The following RCAN2 variants were observed in gnomAD, a reference collection of about 807,000 sequenced individuals.
The protein encoded by RCAN2 is regulator of calcineurin 2, also known as calcipressin-2.
In RCAN2, 9 loss-of-function variants were observed where a neutral mutation model predicts 23.6. The ratio of observed to expected loss-of-function variants is 0.38; its 90% CI spans 0.23 to 0.67. The LOEUF is 0.67. Ranked by LOEUF, RCAN2 falls within the 30% of genes least tolerant of loss-of-function variation. RCAN2 has a pLI of 0.51. For synonymous variants in RCAN2, 109 were observed against 115.7 expected (o/e 0.94, Z 0.37); for missense variants, 273 against 302.3 (o/e 0.90, Z 0.72).
intron 2 of RCAN2, among the ~76,000 whole-genome samples, chr6:46,252,023 C>A (rs374947775): frequency 1.7e-5 from 1 of 59,002 alleles, no homozygotes; most frequent in African/African-American, 5.5e-5. Flanking sequence ...CTCAGCATGT[C>A]CTCTCTTTTC....
intron 2 of RCAN2, among the ~76,000 whole-genome samples, chr6:46,354,008 C>A (rs1764746432): frequency 6.6e-6 from 1 of 152,078 alleles, no homozygotes; most frequent in South Asian, 2.1e-4. Context: ...TGGCAGACAT[C>A]TTTTGTTTGA....
chr6:46,292,436 TTG>T lies in RCAN2; in HGVS notation c.226-43542_226-43541del, dbSNP rs1326397151. On this transcript the variant is annotated intron_variant, in intron 2 of 4. Transcript: ENST00000371374. Reference sequence around the variant, plus strand: ...GGGAGTTGATTTGTTGTTTTTTTTTTTGTTTTTTTTTTTGGTGGGGGGGTTGC... The same window carrying T: ...GGGAGTTGATTTGTTGTTTTTTTTTTTTTTTTTTTTTGGTGGGGGGGTTGC... 6.0e-3 allele frequency among the ~76,000 whole-genome samples: 855 copies of T among 141,416 alleles called. 11 individuals are homozygous for T. The highest frequency in any genetic ancestry group is 0.023 in the African/African-American group (795 of 35,108). 92.8% of individuals were successfully genotyped at this position (141,416 alleles called of 152,430 possible).
chr6:46,338,123 C>T (rs1582119254), intron 2 of RCAN2, among the ~76,000 whole-genome samples: 1 of 152,296 alleles, frequency 6.6e-6, no homozygotes, highest in Admixed American at 6.5e-5. Flanking sequence ...ATATCTTTGG[C>T]TAAGTAGCAA....
intron 4 of RCAN2, among the ~76,000 whole-genome samples, chr6:46,242,359 AG>A (rs1174500211): frequency 4.5e-4 from 69 of 152,172 alleles, no homozygotes; most frequent in African/African-American, 1.7e-3. Flanking sequence ...TCTCCATGAA[AG>A]GGTCCTAATA....
intron 4 of RCAN2, among the ~76,000 whole-genome samples, chr6:46,232,790 CA>C (rs35457944): frequency 1.6e-3 from 146 of 89,186 alleles, no homozygotes; most frequent in African/African-American, 5.0e-3. Context: ...AAGACTGTCT[CA>C]AAAAAAAAAA....
chr6:46,317,559 T>TA (rs1453446129), intron 2 of RCAN2, among the ~76,000 whole-genome samples: 1 of 152,182 alleles, frequency 6.6e-6, no homozygotes, highest in African/African-American at 2.4e-5. Context: ...CCTCCCCGGT[T>TA]AAGGCCATTC....
At chr6:46,339,982 A>G (rs544181497) in intron 2 of RCAN2, among the ~76,000 whole-genome samples, 8 of 152,112 alleles carry the variant, frequency 5.3e-5, no homozygotes, top group Non-Finnish European at 8.8e-5. Context: ...GCCCCACTAG[A>G]TGGTATAAAT....
Position 46,458,310 on chromosome 6 carries a change from T to C in RCAN2, c.-2-1332A>G, listed in dbSNP as rs148095499. ...TGAAATAAACCCTTGAACCTCATAG[T>C]GATGAGGTTATGTTTTTTATTTTCA... On this transcript the variant is annotated intron_variant, in intron 1 of 4. Transcript: ENST00000371374. Among the ~76,000 whole-genome samples the C allele has an allele frequency of 7.1e-3, 1,087 of 152,332 alleles. 11 individuals are homozygous for C. Among genetic ancestry groups the C allele is most frequent in the African/African-American group, 0.025 (1,038 of 41,554 alleles).
chr6:46,233,746 A>G (rs1358537523), intron 4 of RCAN2, among the ~76,000 whole-genome samples: 38 of 120,716 alleles, frequency 3.1e-4, no homozygotes, highest in Non-Finnish European at 5.3e-4. Flanking sequence ...TTTTCTTGAG[A>G]TGGTGTTTTG....
At chr6:46,227,971 T>G (rs1765734946) in intron 4 of RCAN2, among the ~76,000 whole-genome samples, 1 of 152,252 alleles carries the variant, frequency 6.6e-6, no homozygotes, top group Non-Finnish European at 1.5e-5. Flanking sequence ...TCTGGTATGT[T>G]GTGTCTTTGT....
chr6:46,427,751 C>A (rs181640332), intron 2 of RCAN2, among the ~76,000 whole-genome samples: 14 of 152,164 alleles, frequency 9.2e-5, no homozygotes, highest in Admixed American at 6.5e-5. Flanking sequence ...TCAAAAGAAA[C>A]GAGAGAAACC....
At chr6:46,386,368 G>A (rs1435011053) in intron 2 of RCAN2, among the ~76,000 whole-genome samples, 1 of 151,940 alleles carries the variant, frequency 6.6e-6, no homozygotes. Context: ...AGAGGCCAAG[G>A]CGAGTGAATC....
At chr6:46,463,208 C>T (rs1222260146) in intron 1 of RCAN2, among the ~76,000 whole-genome samples, 4 of 152,084 alleles carry the variant, frequency 2.6e-5, no homozygotes, top group African/African-American at 7.2e-5. Context: ...AGTCAAGTTA[C>T]GTTATCTAAG....
At chr6:46,398,228 G>T (rs1484768336) in intron 2 of RCAN2, among the ~76,000 whole-genome samples, 1 of 151,994 alleles carries the variant, frequency 6.6e-6, no homozygotes, top group Non-Finnish European at 1.5e-5. Flanking sequence ...CTGTGTTATG[G>T]CAAATAACAT....
At chr6:46,352,618 A>T (rs1764699308) in intron 2 of RCAN2, among the ~76,000 whole-genome samples, 2 of 152,190 alleles carry the variant, frequency 1.3e-5, no homozygotes, top group African/African-American at 4.8e-5. Context: ...GGTAGAAAGA[A>T]TATTTTCAAA....
intron 2 of RCAN2, among the ~76,000 whole-genome samples, chr6:46,288,022 G>A (rs1280547191): frequency 6.6e-6 from 1 of 152,196 alleles, no homozygotes; most frequent in Non-Finnish European, 1.5e-5. Context: ...TTCTTGCAGG[G>A]AGGGGAGAGG....
chr6:46,475,029 T>C (rs576446304), intron 1 of RCAN2, among the ~76,000 whole-genome samples: 1 of 152,326 alleles, frequency 6.6e-6, no homozygotes, highest in East Asian at 1.9e-4. Context: ...TTTTGTGAAA[T>C]TTTTCAATTT....
chr6:46,303,707 G>GTTTT (rs1349361865), intron 2 of RCAN2, among the ~76,000 whole-genome samples: 4 of 152,050 alleles, frequency 2.6e-5, no homozygotes, highest in Non-Finnish European at 5.9e-5. Flanking sequence ...CTATAGATTA[G>GTTTT]TTTTGCCTGT....
At chr6:46,314,357 G>T (rs1327314248) in intron 2 of RCAN2, among the ~76,000 whole-genome samples, 4 of 52,870 alleles carry the variant, frequency 7.6e-5, no homozygotes, top group Non-Finnish European at 8.1e-5. Context: ...GTGAGACTCT[G>T]TCAAAAAAAA....
Sources: gnomAD v4.1 joint callset for allele counts (sites outside exome capture counted in the v4.1 genomes callset) on GRCh38, gnomAD v4.1.1 for gene constraint, MANE v1.5 for transcripts, NCBI Gene and HGNC (gene_info 2026-07-23, HGNC 2026-07-21) for gene names.